KCNN2: variants seen among roughly 807,000 people sequenced by gnomAD.
The protein encoded by KCNN2 is potassium calcium-activated channel subfamily N member 2.
A neutral mutation model predicts 55.5 loss-of-function variants in KCNN2; 24 were observed. That is an observed-to-expected ratio of 0.43 (90% confidence interval 0.31 to 0.61). KCNN2 has a LOEUF of 0.61. KCNN2 is among the 20% of genes least tolerant of loss of function. The pLI is 0.08. For synonymous variants in KCNN2, 431 were observed against 336.1 expected, an observed-to-expected ratio of 1.28 and a Z score of -3.09; for missense variants, 754 against 853.6, an observed-to-expected ratio of 0.88 and a Z score of 1.45.
intron 1 of KCNN2, among the ~76,000 whole-genome samples, chr5:114,157,288 G>C (rs998742220): frequency 5.9e-5 from 9 of 151,872 alleles, no homozygotes; most frequent in Admixed American, 5.9e-4. Context: ...AGTTTGCTCA[G>C]AATGATGGTT....
intron 1 of KCNN2, among the ~76,000 whole-genome samples, chr5:114,220,056 T>C (rs1754099909): frequency 6.6e-6 from 1 of 152,100 alleles, no homozygotes; most frequent in Non-Finnish European, 1.5e-5. Context: ...AAAAAACAGG[T>C]AGCAGGTTGG....
chr5:114,254,074 T>A (rs1754933892), intron 2 of KCNN2, among the ~76,000 whole-genome samples: 1 of 152,198 alleles, frequency 6.6e-6, no homozygotes, highest in Admixed American at 6.5e-5. Context: ...CTTATAGGCC[T>A]TTTATTCTGA....
chr5:114,453,429 A>G (rs1760780915), intron 3 of KCNN2, among the ~76,000 whole-genome samples: 1 of 152,216 alleles, frequency 6.6e-6, no homozygotes, highest in East Asian at 1.9e-4. Flanking sequence ...GAAACTTTTT[A>G]AGATCTTTTC....
chr5:114,451,298 T>C (rs977968327), intron 3 of KCNN2, among the ~76,000 whole-genome samples: 1 of 152,316 alleles, frequency 6.6e-6, no homozygotes, highest in East Asian at 1.9e-4. Flanking sequence ...AAGCTTATGC[T>C]CTTAGAACAT....
chr5:114,424,101 C>T (rs1759548971), intron 3 of KCNN2, among the ~76,000 whole-genome samples: 1 of 152,162 alleles, frequency 6.6e-6, no homozygotes, highest in Admixed American at 6.5e-5. Context: ...ATGCCAAAGG[C>T]ATTATTATTT....
At chr5:114,382,842 G>T (rs1238867665) in intron 2 of KCNN2, among the ~76,000 whole-genome samples, 2 of 152,214 alleles carry the variant, frequency 1.3e-5, no homozygotes, top group East Asian at 1.9e-4. Flanking sequence ...AGTTAAATCC[G>T]AGTGATTGGG....
rs1209369310 is a variant in KCNN2, at chr5:114,362,714, CGCACCACCA to C, written c.587_595del (p.His196_Gln198del). The C allele has an allele frequency of 4.3e-5, 64 of 1,502,212 alleles. No individual in the cohort carries two copies. Among genetic ancestry groups the C allele is most frequent in the South Asian group, 1.5e-4 (11 of 74,918 alleles). The allele number at this position is 1,502,212 out of a possible 1,614,324, so 93.1% of individuals were successfully genotyped here. A position where few individuals can be genotyped will look rare whatever the true frequency, so the allele number is the denominator to read the frequency against. On this transcript the variant is annotated inframe_deletion, in exon 1 of 8. Coordinates refer to ENST00000673685, the MANE Select transcript of KCNN2 (RefSeq NM_021614.4). ...CACCACCACCACCACCCGCACCCGG[CGCACCACCA>C]GCACCACCAGCCCCAGGCGCGCCGC...
intron 2 of KCNN2, among the ~76,000 whole-genome samples, chr5:114,238,710 A>C (rs931148832): frequency 9.2e-5 from 14 of 152,028 alleles, no homozygotes; most frequent in Admixed American, 8.5e-4. Context: ...CACCATAGGG[A>C]GCTGGCATGG....
rs1759083729 is a variant in KCNN2 at position 114,410,070 on chromosome 5, C to T, written c.1637+5214C>T. On this transcript the variant is annotated intron_variant, in intron 3 of 7. Coordinates refer to ENST00000673685, the MANE Select transcript of KCNN2 (RefSeq NM_021614.4). ...GGAAGAACACTGTCCTCTTAAGCAG[C>T]TGAGAAGTGTGGCCTAGTGCTGCTA... Among the ~76,000 whole-genome samples, 3 of 152,182 alleles carry T rather than the reference C, an allele frequency of 2.0e-5. No homozygotes were observed. The South Asian group carries it at 6.2e-4, about 32-fold the overall frequency.
At chr5:114,448,835 A>G (rs1459025474) in intron 3 of KCNN2, among the ~76,000 whole-genome samples, 10 of 152,204 alleles carry the variant, frequency 6.6e-5, no homozygotes, top group Admixed American at 6.5e-4. Context: ...TTTAGAATCA[A>G]TTTGTGATAA....
intron 6 of KCNN2, among the ~76,000 whole-genome samples, chr5:114,490,534 A>G (rs1009232534): frequency 1.1e-4 from 16 of 152,174 alleles, no homozygotes; most frequent in African/African-American, 3.6e-4. Context: ...TCTTTGGCCA[A>G]TATTTCAAAA....
intron 2 of KCNN2, among the ~76,000 whole-genome samples, chr5:114,255,760 G>C (rs1754969507): frequency 6.6e-6 from 1 of 152,168 alleles, no homozygotes; most frequent in African/African-American, 2.4e-5. Flanking sequence ...TGGAGGATTT[G>C]TAGGGCATGG....
intron 1 of KCNN2, among the ~76,000 whole-genome samples, chr5:114,115,483 C>A (rs969599126): frequency 2.0e-5 from 3 of 152,036 alleles, no homozygotes; most frequent in African/African-American, 7.2e-5. Context: ...GAAAATCCTA[C>A]CTAATCGCTT....
At chr5:114,473,677 A>C (rs1407561723) in intron 5 of KCNN2, among the ~76,000 whole-genome samples, 1 of 152,198 alleles carries the variant, frequency 6.6e-6, no homozygotes, top group African/African-American at 2.4e-5. Flanking sequence ...TATACCATCC[A>C]GTTGGGCAAT....
chr5:114,219,492 T>G (rs1399263308), intron 1 of KCNN2, among the ~76,000 whole-genome samples: 2 of 152,194 alleles, frequency 1.3e-5, no homozygotes, highest in East Asian at 3.9e-4. Flanking sequence ...GAAGTCCACC[T>G]GTCTCTGGCC....
At chr5:114,388,550 A>G (rs1758354226) in intron 2 of KCNN2, among the ~76,000 whole-genome samples, 2 of 152,122 alleles carry the variant, frequency 1.3e-5, no homozygotes, top group Admixed American at 6.6e-5. Flanking sequence ...GTTGATAACT[A>G]TAATTATATA....
chr5:114,088,019 T>C (rs1337731884), intron 1 of KCNN2, among the ~76,000 whole-genome samples: 1 of 152,172 alleles, frequency 6.6e-6, no homozygotes, highest in African/African-American at 2.4e-5. Flanking sequence ...TATTTTTCTT[T>C]AGTAAGATCT....
chr5:114,092,432 G>A (rs1003906091), intron 1 of KCNN2, among the ~76,000 whole-genome samples: 6 of 152,108 alleles, frequency 3.9e-5, no homozygotes, highest in Admixed American at 2.0e-4. Flanking sequence ...GATTTTCTGT[G>A]GCTTTTCCAG....
chr5:114,492,194 A>T (rs1318346250), intron 6 of KCNN2, among the ~76,000 whole-genome samples: 1 of 152,158 alleles, frequency 6.6e-6, no homozygotes, highest in Non-Finnish European at 1.5e-5. Context: ...CATATTGGAT[A>T]TCCTAGTTTC....
Sources: allele counts gnomAD v4.1 joint callset (sites outside exome capture counted in the v4.1 genomes callset), GRCh38; gene constraint gnomAD v4.1.1; transcripts MANE v1.5; gene names NCBI Gene and HGNC (gene_info 2026-07-23, HGNC 2026-07-21).